IL19: variants seen among roughly 807,000 people sequenced by gnomAD.
IL19 encodes interleukin 19.
In IL19, 15 loss-of-function variants were observed where a neutral mutation model predicts 19.5. The ratio of observed to expected loss-of-function variants is 0.77; its 90% confidence interval spans 0.52 to 1.19. The LOEUF (loss-of-function observed/expected upper bound fraction) is 1.19, where lower values mean the gene tolerates loss of function less well. IL19 is among the 50% of genes most tolerant of loss of function. The probability of loss-of-function intolerance (pLI) is 0.00; values close to 1 mark genes in which losing one functional copy is unlikely to be tolerated. For missense variants in IL19, 199 were observed against 213.1 expected, an observed-to-expected ratio of 0.93 and a Z score of 0.41; for synonymous variants, 78 against 78.3, an observed-to-expected ratio of 1.00 and a Z score of 0.02.
chr1:206,829,660 T>G (rs1304423697), intron 2 of IL19, among the ~76,000 whole-genome samples: 1 of 152,072 alleles, frequency 6.6e-6, no homozygotes. Flanking sequence ...GTTCCAAGAC[T>G]GGGTTTGCAT....
intron 1 of IL19, among the ~76,000 whole-genome samples, chr1:206,786,679 C>T (rs1276925101): frequency 6.6e-6 from 1 of 152,042 alleles, no homozygotes; most frequent in African/African-American, 2.4e-5. Flanking sequence ...GAGGTTGAGG[C>T]TGCTATTGCC....
intron 2 of IL19, among the ~76,000 whole-genome samples, chr1:206,799,311 C>T (rs533168699): frequency 1.2e-4 from 19 of 152,238 alleles, no homozygotes; most frequent in Non-Finnish European, 2.1e-4. Context: ...CCCATTTCTT[C>T]ACACAACAAG....
chr1:206,776,875 A>G (rs1187449757), intron 1 of IL19, among the ~76,000 whole-genome samples: 1 of 127,564 alleles, frequency 7.8e-6, no homozygotes, highest in Admixed American at 9.3e-5. Context: ...TTTGTATGGG[A>G]GCTCTGTTTT....
intron 2 of IL19, among the ~76,000 whole-genome samples, chr1:206,826,026 A>T (rs762406367): frequency 9.2e-5 from 14 of 152,226 alleles, no homozygotes; most frequent in Non-Finnish European, 1.8e-4. Context: ...TGCTTGGGAC[A>T]CACGGTCTCA....
chr1:206,775,316 T>G (rs1227504454), intron 1 of IL19, among the ~76,000 whole-genome samples: 1 of 152,094 alleles, frequency 6.6e-6, no homozygotes, highest in Non-Finnish European at 1.5e-5. Flanking sequence ...CCTCCCAGAG[T>G]GCTGAGATTA....
In IL19 at chr1:206,842,884, T is replaced by C. The variant is rs1471825584; in HGVS notation, c.*262T>C. 2 of 367,972 alleles carry C rather than the reference T, an allele frequency of 5.4e-6. No homozygotes were observed. Among genetic ancestry groups the C allele is most frequent in the African/African-American group, 4.1e-5 (2 of 48,698 alleles). The allele number at this position is 367,972 out of a possible 1,614,324, so 22.8% of individuals were successfully genotyped here. A position where few individuals can be genotyped will look rare whatever the true frequency, so the allele number is the denominator to read the frequency against. On this transcript the variant is annotated 3_prime_UTR_variant, in exon 7 of 7. Coordinates refer to ENST00000659997, the MANE Select transcript of IL19 (RefSeq NM_153758.5). Reference sequence around the variant, plus strand: ...CCTTCCCATCTAATTTATTGTAAAGTCATATAGTCCATGTCTGTGATGTGA... The same window carrying C: ...CCTTCCCATCTAATTTATTGTAAAGCCATATAGTCCATGTCTGTGATGTGA...
chr1:206,818,998 A>G (rs762818066), intron 2 of IL19, among the ~76,000 whole-genome samples: 16 of 151,334 alleles, frequency 1.1e-4, no homozygotes, highest in Non-Finnish European at 1.9e-4. Flanking sequence ...TTTTTAGTAG[A>G]GATGGGGTTT....
intron 2 of IL19, among the ~76,000 whole-genome samples, chr1:206,806,953 A>C (rs1675862010): frequency 6.6e-6 from 1 of 152,194 alleles, no homozygotes; most frequent in Non-Finnish European, 1.5e-5. Context: ...ATAAAAACAT[A>C]CCCAAGACTG....
chr1:206,804,597 T>C (rs548310028), intron 2 of IL19, among the ~76,000 whole-genome samples: 1 of 152,138 alleles, frequency 6.6e-6, no homozygotes, highest in African/African-American at 2.4e-5. Context: ...CCAGGTACAA[T>C]GCAAACCCAG....
chr1:206,781,239 T>C (rs546311651), intron 1 of IL19, among the ~76,000 whole-genome samples: 9 of 150,984 alleles, frequency 6.0e-5, no homozygotes, highest in African/African-American at 2.2e-4. Flanking sequence ...AGGTCAGTAG[T>C]TCAAGACCAG....
At chr1:206,799,335 G>C (rs548345981) in intron 2 of IL19, among the ~76,000 whole-genome samples, 1 of 152,094 alleles carries the variant, frequency 6.6e-6, no homozygotes, top group Non-Finnish European at 1.5e-5. Flanking sequence ...CTTCACCAAG[G>C]TTGCTAGCTG....
chr1:206,797,869 A>C (rs890855554), intron 1 of IL19, among the ~76,000 whole-genome samples: 2 of 152,228 alleles, frequency 1.3e-5, no homozygotes, highest in Admixed American at 6.5e-5. Context: ...GAGATGAAGC[A>C]ATTTCTGAAG....
At chr1:206,783,241 G>A (rs1225238524) in intron 1 of IL19, among the ~76,000 whole-genome samples, 1 of 152,132 alleles carries the variant, frequency 6.6e-6, no homozygotes, top group East Asian at 1.9e-4. Context: ...CCAGGGTGCT[G>A]GACTAAGAAC....
At chr1:206,792,110 G>A (rs551445269) in intron 1 of IL19, among the ~76,000 whole-genome samples, 1 of 152,224 alleles carries the variant, frequency 6.6e-6, no homozygotes, top group South Asian at 2.1e-4. Flanking sequence ...TGAAGGCTGA[G>A]TCTGAGATGC....
intron 1 of IL19, among the ~76,000 whole-genome samples, chr1:206,780,192 G>A (rs956596864): frequency 2.6e-5 from 4 of 152,108 alleles, no homozygotes. Flanking sequence ...ATGTCAGTTT[G>A]TAATTAGACA....
intron 2 of IL19, among the ~76,000 whole-genome samples, chr1:206,809,438 T>C (rs1265403945): frequency 6.6e-6 from 1 of 152,216 alleles, no homozygotes; most frequent in East Asian, 1.9e-4. Context: ...GTCTTCACTT[T>C]AGCTCAGCTT....
intron 1 of IL19, among the ~76,000 whole-genome samples, chr1:206,790,504 A>G (rs962472285): frequency 6.6e-6 from 1 of 152,216 alleles, no homozygotes; most frequent in African/African-American, 2.4e-5. Flanking sequence ...CTCGGCAACT[A>G]TAGAAGATAA....
intron 1 of IL19, among the ~76,000 whole-genome samples, chr1:206,796,117 A>G (rs931973526): frequency 1.3e-5 from 2 of 152,056 alleles, no homozygotes; most frequent in African/African-American, 4.8e-5. Context: ...TCAGGTCTGA[A>G]GGCCTAAGAA....
chr1:206,821,670 C>G (rs1361146837), intron 2 of IL19, among the ~76,000 whole-genome samples: 1 of 152,238 alleles, frequency 6.6e-6, no homozygotes, highest in South Asian at 2.1e-4. Flanking sequence ...TCCACTGCAG[C>G]AGGTGGATGC....
Sources: allele counts gnomAD v4.1 joint callset (sites outside exome capture counted in the v4.1 genomes callset), GRCh38; gene constraint gnomAD v4.1.1; transcripts MANE v1.5; gene names NCBI Gene and HGNC (gene_info 2026-07-23, HGNC 2026-07-21).